The following ABTB3 variants were observed in gnomAD, a reference collection of about 807,000 sequenced individuals.
ABTB3 encodes the protein ankyrin repeat- and BTB/POZ domain-containing protein 3.
the ABTB3 span, among the ~76,000 whole-genome samples, chr12:107,639,445 C>G: frequency 6.6e-6 from 1 of 152,130 alleles, no homozygotes; most frequent in Admixed American, 6.5e-5. Flanking sequence ...GAGAGACCAA[C>G]AGAGGCTCCT....
chr12:107,319,983 T>C, the ABTB3 span: 67 of 1,583,778 alleles, frequency 4.2e-5, no homozygotes, highest in Middle Eastern at 6.7e-4. Context: ...AAGTTCACCG[T>C]GGAGACCCTG....
the ABTB3 span, among the ~76,000 whole-genome samples, chr12:107,383,237 T>C: frequency 1.3e-5 from 2 of 152,194 alleles, no homozygotes; most frequent in African/African-American, 4.8e-5. Flanking sequence ...CTATAGGCCT[T>C]ACCCATTTGC....
At chr12:107,372,670 A>G in the ABTB3 span, among the ~76,000 whole-genome samples, 2 of 152,120 alleles carry the variant, frequency 1.3e-5, no homozygotes, top group Non-Finnish European at 2.9e-5. Flanking sequence ...CAGAGCCTCT[A>G]TCACACCTGG....
At chr12:107,367,574 G>A in the ABTB3 span, among the ~76,000 whole-genome samples, 4 of 151,904 alleles carry the variant, frequency 2.6e-5, no homozygotes, top group East Asian at 3.9e-4. Context: ...GCGCAGTTTC[G>A]GCTCACTGCA....
chr12:107,321,367 G>A, the ABTB3 span, among the ~76,000 whole-genome samples: 1 of 152,200 alleles, frequency 6.6e-6, no homozygotes, highest in Non-Finnish European at 1.5e-5. Context: ...GGGCGCGCAG[G>A]GCGCCCGGCT....
At chr12:107,333,088 C>T in the ABTB3 span, among the ~76,000 whole-genome samples, 1 of 152,168 alleles carries the variant, frequency 6.6e-6, no homozygotes, top group African/African-American at 2.4e-5. Context: ...TGCAAAGGGT[C>T]TCTCCCACCC....
chr12:107,513,254 T>C, the ABTB3 span, among the ~76,000 whole-genome samples: 2 of 152,338 alleles, frequency 1.3e-5, no homozygotes, highest in East Asian at 3.9e-4. Flanking sequence ...TTCTCTTACT[T>C]GGTTTTCTCT....
the ABTB3 span, among the ~76,000 whole-genome samples, chr12:107,407,036 C>A: frequency 1.3e-5 from 2 of 151,994 alleles, no homozygotes; most frequent in Non-Finnish European, 2.9e-5. Flanking sequence ...ATTTCCTCAT[C>A]TTTAAAATAC....
At chr12:107,508,066 AGATGGATGGATGGATGGATGGATG>A in the ABTB3 span, among the ~76,000 whole-genome samples, 1 of 146,840 alleles carries the variant, frequency 6.8e-6, no homozygotes, top group Non-Finnish European at 1.5e-5. Context: ...AAGGGTAGAA[AGATGGATGGATGGATGGATGGATG>A]GATGGATGGA....
the ABTB3 span, among the ~76,000 whole-genome samples, chr12:107,364,570 C>T: frequency 5.3e-5 from 8 of 152,094 alleles, no homozygotes; most frequent in African/African-American, 9.7e-5. Flanking sequence ...GGATTACAGA[C>T]GTGAACCACC....
At chr12:107,397,084 G>A in the ABTB3 span, among the ~76,000 whole-genome samples, 2 of 152,202 alleles carry the variant, frequency 1.3e-5, no homozygotes, top group South Asian at 2.1e-4. Context: ...GCAAGGTGTG[G>A]GGATCGTCTT....
the ABTB3 span, chr12:107,618,372 A>G: frequency 6.2e-7 from 1 of 1,611,440 alleles, no homozygotes; most frequent in Non-Finnish European, 8.5e-7. Flanking sequence ...TGATATCAGG[A>G]GCATAGGTCA....
At chr12:107,350,532 C>T in the ABTB3 span, among the ~76,000 whole-genome samples, 1 of 149,772 alleles carries the variant, frequency 6.7e-6, no homozygotes, top group South Asian at 2.1e-4. Context: ...GGCAATAGAG[C>T]GAGAGTCCGT....
the ABTB3 span, chr12:107,635,383 G>A: frequency 5.1e-5 from 82 of 1,613,544 alleles, 1 homozygote; most frequent in African/African-American, 8.7e-4. Flanking sequence ...AACAGACCTC[G>A]CGCTTGGGTG....
At chr12:107,509,865 C>T in the ABTB3 span, among the ~76,000 whole-genome samples, 1 of 152,196 alleles carries the variant, frequency 6.6e-6, no homozygotes, top group East Asian at 1.9e-4. Context: ...TAAAAGAAAG[C>T]CTTCTGGCAT....
At chr12:107,431,903 A>G in the ABTB3 span, among the ~76,000 whole-genome samples, 2 of 152,218 alleles carry the variant, frequency 1.3e-5, no homozygotes, top group East Asian at 3.9e-4. Context: ...CCCATGGAAC[A>G]TGGGCCGTCC....
chr12:107,327,172 C>T, the ABTB3 span, among the ~76,000 whole-genome samples: 1 of 152,174 alleles, frequency 6.6e-6, no homozygotes, highest in Non-Finnish European at 1.5e-5. Context: ...ATGCAATTCC[C>T]TCAACAATTT....
chr12:107,426,815 C>T, the ABTB3 span, among the ~76,000 whole-genome samples: 140 of 152,264 alleles, frequency 9.2e-4, no homozygotes, highest in African/African-American at 3.3e-3. Context: ...CCACCTCTGC[C>T]AAGTCCTGGG....
the ABTB3 span, chr12:107,615,089 C>A: frequency 1.2e-6 from 2 of 1,613,988 alleles, no homozygotes; most frequent in Non-Finnish European, 1.7e-6. Context: ...AAATATCCAT[C>A]CGTCCACCCC....
Sources: gnomAD v4.1 joint callset for allele counts (sites outside exome capture counted in the v4.1 genomes callset) on GRCh38, gnomAD v4.1.1 for gene constraint, MANE v1.5 for transcripts, NCBI Gene and HGNC (gene_info 2026-07-23, HGNC 2026-07-21) for gene names.